Variants in IRAK4 observed in about 807,000 individuals in gnomAD.
IRAK4 encodes interleukin 1 receptor associated kinase 4, also known as interleukin-1 receptor-associated kinase 4.
Under a neutral mutation model 51.8 loss-of-function variants are expected in IRAK4, and 44 were observed. That is an observed-to-expected ratio of 0.85 (90% confidence interval 0.67 to 1.09). The LOEUF (loss-of-function observed/expected upper bound fraction) is 1.09, where lower values mean the gene tolerates loss of function less well. IRAK4 is among the 50% of genes least tolerant of loss of function. The probability of loss-of-function intolerance (pLI) is 0.00; values close to 1 mark genes in which losing one functional copy is unlikely to be tolerated. For synonymous variants in IRAK4, 149 were observed against 174.1 expected (o/e 0.86, Z 1.13); for missense variants, 487 against 538.0 (o/e 0.91, Z 0.94).
Position 43,786,615 on chromosome 12 carries a change from C to T in IRAK4, c.1347+58C>T, listed in dbSNP as rs991538488. On this transcript the variant is annotated intron_variant, in intron 11 of 11. Coordinates refer to ENST00000613694, the MANE Select transcript of IRAK4 (RefSeq NM_016123.4). ...AAGGGGTGGGGTTCATCATATTTTC[C>T]AGAGTGTATATTTTAAAGCAACTGT... 8 of 1,607,690 alleles carry T rather than the reference C, an allele frequency of 5.0e-6. No individual in the cohort carries two copies. The South Asian group carries it at 8.8e-5, about 18-fold the overall frequency.
chr12:43,770,711 G>C (rs1940661250), intron 2 of IRAK4, among the ~76,000 whole-genome samples: 1 of 150,136 alleles, frequency 6.7e-6, no homozygotes, highest in African/African-American at 2.5e-5. Context: ...AAAATGGGCA[G>C]GGGAGATCAA....
rs567471482 is a variant in IRAK4, at chr12:43,773,795, G to A, written c.652-170G>A. The A allele has an allele frequency of 7.1e-5, 41 of 580,374 alleles. No homozygotes were observed. The African/African-American group carries it at 7.4e-4, about 10-fold the overall frequency. 36.0% of individuals were successfully genotyped at this position (580,374 alleles called of 1,614,324 possible). A position where few individuals can be genotyped will look rare whatever the true frequency, so the allele number is the denominator to read the frequency against. On this transcript the variant is annotated intron_variant, in intron 5 of 11. Coordinates refer to ENST00000613694, the MANE Select transcript of IRAK4 (RefSeq NM_016123.4). ...TTTTCATTCCACTAACCAGCCATGG[G>A]CCTTGAGCAAATCACTAGTATTTCT...
intron 9 of IRAK4, among the ~76,000 whole-genome samples, chr12:43,783,224 A>G (rs1304484100): frequency 1.3e-5 from 2 of 152,134 alleles, no homozygotes; most frequent in Admixed American, 1.3e-4. Flanking sequence ...ATAGCTTTGT[A>G]TAGAATGATT....
chr12:43,775,397 T>C (rs890439894), intron 6 of IRAK4, among the ~76,000 whole-genome samples: 1 of 152,228 alleles, frequency 6.6e-6, no homozygotes, highest in Non-Finnish European at 1.5e-5. Context: ...CACGTTTACC[T>C]GTATGACAAA....
intron 10 of IRAK4, 129 bp downstream of exon 10, chr12:43,783,853 G>A (rs564057803): frequency 1.1e-4 from 73 of 680,070 alleles, no homozygotes; most frequent in Non-Finnish European, 1.7e-4. Context: ...TTACACGACA[G>A]CATATGGAAA....
Position 43,778,251 on chromosome 12 carries a change from A to C in IRAK4, c.890A>C (p.Asn297Thr). 1 of 1,611,520 alleles carries C rather than the reference A, an allele frequency of 6.2e-7. No homozygotes were observed. Among genetic ancestry groups the C allele is most frequent in the Non-Finnish European group, 8.5e-7 (1 of 1,177,734 alleles). The change falls in exon 8 of 12, where the codon AAT (asparagine) becomes ACT (threonine). Residue 297 changes from asparagine to threonine, a missense_variant. Physicochemically the swap from Asn to Thr is moderately conservative, Grantham distance 65. Coordinates refer to ENST00000613694, the MANE Select transcript of IRAK4 (RefSeq NM_016123.4). ...TGCAAGATTGCTCAGGGTGCAGCTA[A>C]TGGCATCAATTTTCTACATGAAAAT... The part of the protein sequence containing the change: ...MRCKIAQGAA[N>T]GINFLHENHH...
chr12:43,772,418 C>T, intron 4 of IRAK4, 56 bp downstream of exon 4: 1 of 1,470,334 alleles, frequency 6.8e-7, no homozygotes, highest in East Asian at 2.3e-5. Context: ...ACTACCAGTG[C>T]TTTAAAAGAA....
intron 9 of IRAK4, among the ~76,000 whole-genome samples, 199 bp downstream of exon 9, chr12:43,782,689 GA>G (rs1179133264): frequency 6.6e-6 from 1 of 152,066 alleles, no homozygotes; most frequent in Non-Finnish European, 1.5e-5. Flanking sequence ...TTTTTGAAAT[GA>G]CTACAAGAAA....
In IRAK4 at chr12:43,777,638, A is replaced by C; in HGVS notation, c.725A>C (p.His242Pro). The change falls in exon 7 of 12, where the codon CAT becomes CCT. Residue 242 changes from histidine (H) to proline (P), a missense_variant. His to Pro is a moderately conservative substitution (Grantham distance 77). Transcript: ENST00000613694. ...AAAATTATTTGTCACAGGTGTCAAC[A>C]TGAAAACTTAGTAGAACTACTTGGT... ...QEIKVMAKCQHENLVELLGFS... is the reference protein window; with the variant it reads ...QEIKVMAKCQPENLVELLGFS... 6.2e-7 allele frequency: 1 copy of C among 1,605,628 alleles called. No homozygotes were observed.
intron 2 of IRAK4, among the ~76,000 whole-genome samples, chr12:43,769,904 G>A (rs1940569391): frequency 6.6e-6 from 1 of 152,018 alleles, no homozygotes; most frequent in Non-Finnish European, 1.5e-5. Flanking sequence ...ATAAATCTAG[G>A]CTGTTAGACC....
In IRAK4 at chr12:43,786,817, A is replaced by T; in HGVS notation, c.*102A>T. The stretch of plus-strand genomic sequence containing the variant: ...TATTCTTCTTTACCTTTAACAAGGC[A>T]TAGGCTGTTGCAGGACAGTGGTTAT... On this transcript the variant is annotated 3_prime_UTR_variant, in exon 12 of 12. Transcript: ENST00000613694. 1 of 1,003,870 alleles carries T rather than the reference A, an allele frequency of 1.0e-6. No individual in the cohort carries two copies. The allele number at this position is 1,003,870 out of a possible 1,614,324, so 62.2% of individuals were successfully genotyped here. A position where few individuals can be genotyped will look rare whatever the true frequency, so the allele number is the denominator to read the frequency against.
intron 6 of IRAK4, among the ~76,000 whole-genome samples, chr12:43,775,586 G>A (rs1393697811): frequency 6.6e-6 from 1 of 152,052 alleles, no homozygotes; most frequent in East Asian, 1.9e-4. Flanking sequence ...CAACAGTCTA[G>A]CATATGTGAA....
At chr12:43,786,343 T>G in intron 10 of IRAK4, 56 bp from the exon 11 acceptor site, 1 of 1,090,044 alleles carries the variant, frequency 9.2e-7, no homozygotes, top group South Asian at 1.8e-5. Flanking sequence ...AAATATATAT[T>G]CTATTTTCTT....
intron 6 of IRAK4, among the ~76,000 whole-genome samples, chr12:43,777,284 G>T (rs1941363305): frequency 6.6e-6 from 1 of 152,126 alleles, no homozygotes; most frequent in Non-Finnish European, 1.5e-5. Context: ...AGCTACTTGG[G>T]AGGATGAGTT....
chr12:43,767,693 CTAAT>C (rs1256660605), intron 1 of IRAK4, among the ~76,000 whole-genome samples: 1 of 143,892 alleles, frequency 6.9e-6, no homozygotes, highest in Non-Finnish European at 1.5e-5. Flanking sequence ...TAAATAAGTA[CTAAT>C]TGAGAAACAT....
At chr12:43,773,832 A>C (rs1436854262) in intron 5 of IRAK4, 133 bp from the exon 6 acceptor site, 1 of 670,600 alleles carries the variant, frequency 1.5e-6, no homozygotes, top group African/African-American at 1.8e-5. Flanking sequence ...GATCTCAGTT[A>C]TTCTGTAGAA....
intron 10 of IRAK4, among the ~76,000 whole-genome samples, chr12:43,784,589 TC>T (rs1767681515): frequency 6.6e-6 from 1 of 152,222 alleles, no homozygotes; most frequent in South Asian, 2.1e-4. Context: ...ACCTAAGTTT[TC>T]CATCGTTTTG....
Position 43,773,133 on chromosome 12 carries a change from T to A in IRAK4, c.651+61T>A, listed in dbSNP as rs927818539. 4 of 1,416,172 alleles carry A rather than the reference T, an allele frequency of 2.8e-6. No individual in the cohort carries two copies. The African/African-American group carries it at 5.7e-5, about 20-fold the overall frequency. 87.7% of individuals were successfully genotyped at this position (1,416,172 alleles called of 1,614,324 possible). A position where few individuals can be genotyped will look rare whatever the true frequency, so the allele number is the denominator to read the frequency against. The stretch of plus-strand genomic sequence containing the variant: ...GCTTCATAGTGTGCCCTATAATAGG[T>A]TTTAAAGTTAATCTTTAGGAAATAC... On this transcript the variant is annotated intron_variant, in intron 5 of 11. Transcript: ENST00000613694.
At chr12:43,782,624 C>A in intron 9 of IRAK4, 134 bp downstream of exon 9, 1 of 721,592 alleles carries the variant, frequency 1.4e-6, no homozygotes, top group Non-Finnish European at 2.2e-6. Context: ...TTAACCTCTA[C>A]TTATACCAGA....
Sources: allele counts gnomAD v4.1 joint callset (sites outside exome capture counted in the v4.1 genomes callset), GRCh38; gene constraint gnomAD v4.1.1; transcripts MANE v1.5; gene names NCBI Gene and HGNC (gene_info 2026-07-23, HGNC 2026-07-21).